NDRG3: variants seen among roughly 807,000 people sequenced by gnomAD.
NDRG3 encodes the protein NDRG family member 3.
In NDRG3, 23 loss-of-function variants were observed where a neutral mutation model predicts 57.2. That is an observed-to-expected ratio of 0.40 (90% CI 0.29 to 0.57). The LOEUF (loss-of-function observed/expected upper bound fraction) is 0.57, where lower values mean the gene tolerates loss of function less well. NDRG3 is among the 20% of genes least tolerant of loss of function. The pLI, the probability that NDRG3 is intolerant of heterozygous loss-of-function variation, is 0.42. For synonymous variants in NDRG3, 132 were observed against 162.6 expected (o/e 0.81, Z 1.43); for missense variants, 384 against 457.3 (o/e 0.84, Z 1.46).
intron 1 of NDRG3, among the ~76,000 whole-genome samples, chr20:36,723,039 C>G (rs1483506961): frequency 3.9e-5 from 6 of 152,188 alleles, no homozygotes; most frequent in Admixed American, 2.6e-4. Flanking sequence ...AGTTACCTTG[C>G]AAATGAATCC....
chr20:36,673,531 G>A (rs989322643), intron 8 of NDRG3, among the ~76,000 whole-genome samples: 9 of 151,678 alleles, frequency 5.9e-5, no homozygotes, highest in East Asian at 5.9e-4. Flanking sequence ...CTCAGCTCCC[G>A]AGTAGCTGGG....
intron 13 of NDRG3, among the ~76,000 whole-genome samples, 169 bp downstream of exon 13, chr20:36,660,168 A>G (rs546634454): frequency 1.1e-3 from 164 of 152,086 alleles, no homozygotes; most frequent in African/African-American, 3.9e-3. Flanking sequence ...AGATGGCGCC[A>G]CTGCACTCCA....
Position 36,684,455 on chromosome 20 carries a change from T to C in NDRG3, c.341A>G (p.Asp114Gly), listed in dbSNP as rs1328521048. The change falls in exon 6 of 16, where the codon GAT becomes GGT. Residue 114 changes from aspartate to glycine, a missense_variant. By Grantham distance (94) the Asp-to-Gly change is moderately conservative (BLOSUM62 -1). Coordinates refer to ENST00000349004, the MANE Select transcript of NDRG3 (RefSeq NM_032013.4). ...FPTGYQYPTM[D>G]ELAEMLPPVL... ...AGGAGGCAGCATTTCAGCCAGCTCATCCATTGTGGGGTACTGATACCTGCA... is the reference window on the plus strand; with the variant it reads ...AGGAGGCAGCATTTCAGCCAGCTCACCCATTGTGGGGTACTGATACCTGCA... The C allele has an allele frequency of 7.4e-6, 12 of 1,614,074 alleles. No homozygotes were observed. Among genetic ancestry groups the C allele is most frequent in the Non-Finnish European group, 1.0e-5 (12 of 1,179,956 alleles).
At chr20:36,687,432 G>A in intron 5 of NDRG3, 60 bp downstream of exon 5, 3 of 1,583,186 alleles carry the variant, frequency 1.9e-6, no homozygotes, top group Non-Finnish European at 2.6e-6. Flanking sequence ...TCTCCCACTG[G>A]AGCTCAGCCA....
chr20:36,660,855 C>T (rs888840837), intron 12 of NDRG3, among the ~76,000 whole-genome samples: 4 of 152,112 alleles, frequency 2.6e-5, no homozygotes, highest in South Asian at 2.1e-4. Flanking sequence ...CCACCGCGCC[C>T]GGCCCGGGAG....
intron 1 of NDRG3, 153 bp from the exon 2 acceptor site, chr20:36,721,936 C>T (rs951013464): frequency 1.7e-4 from 90 of 533,490 alleles, no homozygotes; most frequent in African/African-American, 1.4e-3. Flanking sequence ...CAGATAGACA[C>T]TAACCTGGTC....
chr20:36,729,215 G>T (rs530085379), intron 1 of NDRG3, among the ~76,000 whole-genome samples: 1 of 152,252 alleles, frequency 6.6e-6, no homozygotes, highest in East Asian at 1.9e-4. Flanking sequence ...ATGAAGCTCT[G>T]AGTCATCACA....
At chr20:36,741,562 C>CGGG (rs1342372144) in intron 1 of NDRG3, among the ~76,000 whole-genome samples, 2 of 152,106 alleles carry the variant, frequency 1.3e-5, no homozygotes, top group Non-Finnish European at 2.9e-5. Context: ...AAAGTAAATT[C>CGGG]CCCAAGCCTC....
intron 5 of NDRG3, among the ~76,000 whole-genome samples, chr20:36,684,916 T>C (rs185713292): frequency 6.6e-6 from 1 of 152,224 alleles, no homozygotes; most frequent in East Asian, 1.9e-4. Context: ...GGTGATGTGG[T>C]ACCCTGAAAA....
intron 8 of NDRG3, among the ~76,000 whole-genome samples, chr20:36,678,080 G>A (rs1217086440): frequency 6.6e-6 from 1 of 152,132 alleles, no homozygotes; most frequent in African/African-American, 2.4e-5. Context: ...GATTTTAGAG[G>A]TTAAATTCCT....
intron 3 of NDRG3, among the ~76,000 whole-genome samples, chr20:36,693,105 A>AAT (rs1290033865): frequency 0.045 from 1,166 of 25,680 alleles, 25 homozygotes; most frequent in Middle Eastern, 0.091. Context: ...AAAAAAAAAA[A>AAT]ATATATATAT....
At chr20:36,725,245 T>G (rs1289861027) in intron 1 of NDRG3, among the ~76,000 whole-genome samples, 1 of 151,292 alleles carries the variant, frequency 6.6e-6, no homozygotes. Context: ...TGCAGTAAGC[T>G]GAGATTGCGC....
intron 5 of NDRG3, among the ~76,000 whole-genome samples, chr20:36,687,075 T>C (rs540374918): frequency 2.6e-5 from 4 of 152,040 alleles, no homozygotes; most frequent in Non-Finnish European, 5.9e-5. Context: ...TCCAGGCTGG[T>C]CTTGAACCCC....
At chr20:36,665,448 GTT>G in intron 10 of NDRG3, 147 bp from the exon 11 acceptor site, 1 of 744,502 alleles carries the variant, frequency 1.3e-6, no homozygotes, top group Non-Finnish European at 2.3e-6. Flanking sequence ...CTATGACTTG[GTT>G]CTTGAGTCGC....
intron 1 of NDRG3, among the ~76,000 whole-genome samples, chr20:36,742,405 T>C (rs1256887623): frequency 2.0e-5 from 3 of 152,222 alleles, no homozygotes; most frequent in Non-Finnish European, 4.4e-5. Context: ...TAGCCAGTTC[T>C]GCGACCTTGG....
At chr20:36,726,854 T>C (rs913757576) in intron 1 of NDRG3, among the ~76,000 whole-genome samples, 2 of 151,970 alleles carry the variant, frequency 1.3e-5, no homozygotes, top group Admixed American at 6.6e-5. Context: ...TCAGGAATTA[T>C]AATCTCGGCA....
intron 1 of NDRG3, among the ~76,000 whole-genome samples, chr20:36,732,153 T>A (rs188868901): frequency 8.6e-5 from 13 of 152,006 alleles, no homozygotes; most frequent in African/African-American, 3.1e-4. Context: ...AAATATAGAA[T>A]CTAACATTTC....
rs573096671 is a variant in NDRG3, at chr20:36,674,782, T to C, written c.532-3385A>G. ...AAATTTTTGTTGACACAAAGTCTTG[T>C]TCTGTTGACCAGGCTGGTCTTAAAC... On this transcript the variant is annotated intron_variant, in intron 8 of 15. Transcript: ENST00000349004. Among the ~76,000 whole-genome samples the C allele has an allele frequency of 4.1e-4, 62 of 150,918 alleles. 1 individual carries two copies. The highest frequency in any genetic ancestry group is 1.4e-3 in the African/African-American group (58 of 41,104).
chr20:36,716,532 CAAAA>C (rs35687613), intron 2 of NDRG3, among the ~76,000 whole-genome samples: 1 of 100,500 alleles, frequency 1.0e-5, no homozygotes. Context: ...GACTCCATCT[CAAAA>C]AAAAAAAAAA....
Sources: allele counts gnomAD v4.1 joint callset (sites outside exome capture counted in the v4.1 genomes callset), GRCh38; gene constraint gnomAD v4.1.1; transcripts MANE v1.5; gene names NCBI Gene and HGNC (gene_info 2026-07-23, HGNC 2026-07-21).